TENM3: variants seen among roughly 807,000 people sequenced by gnomAD.
The protein encoded by TENM3 is teneurin-3.
Under a neutral mutation model 255.1 loss-of-function variants are expected in TENM3, and 63 were observed. The ratio of observed to expected loss-of-function variants is 0.25; its 90% CI spans 0.20 to 0.30. The LOEUF (loss-of-function observed/expected upper bound fraction) is 0.30. TENM3 is among the 10% of genes least tolerant of loss of function. TENM3 has a pLI of 1.00. For missense variants in TENM3, 2,929 were observed against 3,461.1 expected, an observed-to-expected ratio of 0.85 and a Z score of 3.86; for synonymous variants, 1,306 against 1,322.3, an observed-to-expected ratio of 0.99 and a Z score of 0.27.
chr4:182,206,143 T>C (rs1754560894), intron 1 of TENM3, among the ~76,000 whole-genome samples: 1 of 151,784 alleles, frequency 6.6e-6, no homozygotes, highest in Admixed American at 6.5e-5. Context: ...GTGTAAGTGT[T>C]AAAAATGTTG....
the TENM3 span, among the ~76,000 whole-genome samples, chr4:181,535,206 C>T: frequency 5.3e-5 from 8 of 152,166 alleles, no homozygotes; most frequent in East Asian, 3.9e-4. Context: ...AGCCTCTTGC[C>T]GCTGAGGCTT....
At chr4:181,793,268 C>T in the TENM3 span, among the ~76,000 whole-genome samples, 1 of 152,192 alleles carries the variant, frequency 6.6e-6, no homozygotes, top group African/African-American at 2.4e-5. Flanking sequence ...CCTTTTCTTT[C>T]TTCTAAGGCA....
At chr4:181,843,921 T>C in the TENM3 span, among the ~76,000 whole-genome samples, 1 of 152,064 alleles carries the variant, frequency 6.6e-6, no homozygotes, top group African/African-American at 2.4e-5. Flanking sequence ...GGTTTCACCA[T>C]GTTGGCCAGA....
At chr4:182,326,683 C>A (rs1763434412) in intron 2 of TENM3, among the ~76,000 whole-genome samples, 1 of 151,576 alleles carries the variant, frequency 6.6e-6, no homozygotes, top group African/African-American at 2.4e-5. Flanking sequence ...CACAAGTGCA[C>A]ACCACCACCA....
chr4:181,783,893 G>T, the TENM3 span, among the ~76,000 whole-genome samples: 2 of 152,058 alleles, frequency 1.3e-5, no homozygotes, highest in African/African-American at 4.8e-5. Context: ...AGAGACGCAG[G>T]TCTCACTATG....
the TENM3 span, among the ~76,000 whole-genome samples, chr4:181,797,011 C>T: frequency 6.6e-6 from 1 of 152,080 alleles, no homozygotes; most frequent in Non-Finnish European, 1.5e-5. Flanking sequence ...AAGAGGGAGG[C>T]CCACAGGCCA....
chr4:181,738,222 T>C, the TENM3 span, among the ~76,000 whole-genome samples: 1 of 152,200 alleles, frequency 6.6e-6, no homozygotes, highest in Non-Finnish European at 1.5e-5. Context: ...ATTCAGTACA[T>C]GTCAAGTATG....
chr4:182,080,070 T>C, the TENM3 span, among the ~76,000 whole-genome samples: 2 of 152,224 alleles, frequency 1.3e-5, no homozygotes, highest in East Asian at 1.9e-4. Context: ...CATGCAGAGA[T>C]ACTGAAGAAG....
In TENM3 at chr4:182,551,488, T is replaced by A. The variant is rs28632029; in HGVS notation, c.512-49436T>A. 9.5e-3 allele frequency among the ~76,000 whole-genome samples: 1,448 copies of A among 152,144 alleles called. 21 individuals carry two copies. The highest frequency in any genetic ancestry group is 0.033 in the African/African-American group (1,376 of 41,516). On this transcript the variant is annotated intron_variant, in intron 3 of 27. Transcript: ENST00000511685. ...TGAATTTGCATGAAGAAATAACTTTTCAAACTGTGATGATTAGAAAAGGAC... is the reference window on the plus strand; with the variant it reads ...TGAATTTGCATGAAGAAATAACTTTACAAACTGTGATGATTAGAAAAGGAC...
chr4:181,927,716 G>A, the TENM3 span, among the ~76,000 whole-genome samples: 1 of 152,204 alleles, frequency 6.6e-6, no homozygotes, highest in African/African-American at 2.4e-5. Context: ...TGACCCCCAT[G>A]CCTCATAACT....
chr4:181,809,461 T>G, the TENM3 span, among the ~76,000 whole-genome samples: 2 of 152,198 alleles, frequency 1.3e-5, no homozygotes, highest in Non-Finnish European at 2.9e-5. Context: ...CAGGTGTCTC[T>G]GTTTGTGGCT....
chr4:182,481,087 A>G (rs932112400), intron 3 of TENM3, among the ~76,000 whole-genome samples: 4 of 152,094 alleles, frequency 2.6e-5, no homozygotes, highest in African/African-American at 9.7e-5. Flanking sequence ...GCATTTTGCC[A>G]AAGTGAATAA....
the TENM3 span, among the ~76,000 whole-genome samples, chr4:181,886,254 T>A: frequency 6.6e-6 from 1 of 152,046 alleles, no homozygotes; most frequent in Admixed American, 6.5e-5. Context: ...GGTTTCACCA[T>A]ATTGGTCAGG....
chr4:181,534,193 G>A, the TENM3 span, among the ~76,000 whole-genome samples: 1 of 147,938 alleles, frequency 6.8e-6, no homozygotes. Flanking sequence ...TCACACCATT[G>A]CACTCCAGCC....
the TENM3 span, among the ~76,000 whole-genome samples, chr4:181,700,230 CT>C: frequency 0.32 from 48,323 of 149,898 alleles, 9,514 homozygotes; most frequent in East Asian, 0.52. Flanking sequence ...ATTTCAGGGT[CT>C]TTTTTTTTTT....
the TENM3 span, among the ~76,000 whole-genome samples, chr4:181,883,574 A>G: frequency 1.3e-5 from 2 of 152,140 alleles, no homozygotes; most frequent in Non-Finnish European, 1.5e-5. Flanking sequence ...TCCCAGGTTC[A>G]CGCCATTCTC....
chr4:182,551,595 T>C (rs1342226982), intron 3 of TENM3, among the ~76,000 whole-genome samples: 1 of 152,090 alleles, frequency 6.6e-6, no homozygotes, highest in Non-Finnish European at 1.5e-5. Context: ...ATTATAAATA[T>C]AATTTCATAA....
chr4:182,127,131 A>T, the TENM3 span, among the ~76,000 whole-genome samples: 1 of 148,112 alleles, frequency 6.8e-6, no homozygotes, highest in Non-Finnish European at 1.5e-5. Context: ...ATGATTAAAT[A>T]AAAATGATTT....
chr4:182,448,637 A>G (rs555256733), intron 3 of TENM3, among the ~76,000 whole-genome samples: 1 of 151,878 alleles, frequency 6.6e-6, no homozygotes, highest in Non-Finnish European at 1.5e-5. Context: ...CCGCCGAGGA[A>G]CACGGCCGCT....
Sources: gnomAD v4.1 joint callset for allele counts (sites outside exome capture counted in the v4.1 genomes callset) on GRCh38, gnomAD v4.1.1 for gene constraint, MANE v1.5 for transcripts, NCBI Gene and HGNC (gene_info 2026-07-23, HGNC 2026-07-21) for gene names.